FREM1: variants seen among roughly 807,000 people sequenced by gnomAD.
FREM1 encodes the protein FRAS1-related extracellular matrix protein 1.
FREM1 carries 220 observed loss-of-function variants against 210.1 expected under a neutral mutation model. That is an observed-to-expected ratio of 1.05 (90% CI 0.94 to 1.17). The LOEUF (loss-of-function observed/expected upper bound fraction) is 1.17. FREM1 is among the 50% of genes most tolerant of loss of function. FREM1 has a pLI of 0.00. For missense variants in FREM1, 3,454 were observed against 2,675.5 expected (o/e 1.29, Z -6.42); for synonymous variants, 1,189 against 980.2 (o/e 1.21, Z -3.98).
intron 18 of FREM1, among the ~76,000 whole-genome samples, chr9:14,805,640 C>T (rs986932562): frequency 2.0e-5 from 3 of 152,166 alleles, no homozygotes; most frequent in Non-Finnish European, 4.4e-5. Context: ...AGTATTTTGA[C>T]ATGGGCTTAA....
chr9:14,805,408 G>C (rs1483392305), intron 18 of FREM1, among the ~76,000 whole-genome samples: 1 of 152,182 alleles, frequency 6.6e-6, no homozygotes, highest in Non-Finnish European at 1.5e-5. Flanking sequence ...AGTATGCACA[G>C]GGACTTCAAG....
chr9:14,868,240 A>G (rs1353301825), intron 2 of FREM1, among the ~76,000 whole-genome samples: 4 of 152,214 alleles, frequency 2.6e-5, no homozygotes, highest in Non-Finnish European at 2.9e-5. Flanking sequence ...TCTGACTGGC[A>G]ATGGATGTGA....
Position 14,782,916 on chromosome 9 carries a change from A to G in FREM1, c.4442+1454T>C, listed in dbSNP as rs192534488. ...ACCTGATGATTGTCACAGAGTTGTG[A>G]GTCACTCAGGCAGTTCTTGCCCCCA... is the stretch of plus-strand genomic sequence containing the variant. On this transcript the variant is annotated intron_variant, in intron 24 of 36. Coordinates refer to ENST00000380880, the MANE Select transcript of FREM1 (RefSeq NM_001379081.2). Among the ~76,000 whole-genome samples the G allele has an allele frequency of 4.7e-3, 721 of 152,324 alleles. 5 individuals are homozygous for G. Among genetic ancestry groups the G allele is most frequent in the Non-Finnish European group, 5.0e-3 (341 of 68,030 alleles).
rs781367214 is a variant in FREM1, at chr9:14,737,357, T to C, written c.*39A>G. Reference sequence around the variant, plus strand: ...TTCACAGATCCTGTGAATAAATAGGTGACAAACTCCAGGTGGCCCCCTGTA... The same window carrying C: ...TTCACAGATCCTGTGAATAAATAGGCGACAAACTCCAGGTGGCCCCCTGTA... On this transcript the variant is annotated 3_prime_UTR_variant, in exon 37 of 37. Transcript: ENST00000380880. The C allele has an allele frequency of 2.0e-6, 3 of 1,494,460 alleles. No individual in the cohort carries two copies. The Admixed American group carries it at 5.3e-5, about 26-fold the overall frequency. 92.6% of individuals were successfully genotyped at this position (1,494,460 alleles called of 1,614,324 possible). A position where few individuals can be genotyped will look rare whatever the true frequency, so the allele number is the denominator to read the frequency against.
At chr9:14,875,226 T>C (rs981551033) in intron 1 of FREM1, among the ~76,000 whole-genome samples, 1 of 152,210 alleles carries the variant, frequency 6.6e-6, no homozygotes, top group Admixed American at 6.5e-5. Context: ...CCTTGCTAGA[T>C]TGGGGAAGTT....
chr9:14,860,591 A>ATGTG (rs1829710433), intron 3 of FREM1, among the ~76,000 whole-genome samples: 1 of 112,734 alleles, frequency 8.9e-6, no homozygotes, highest in African/African-American at 3.7e-5. Context: ...ACACATATAT[A>ATGTG]TACATATATA....
At chr9:14,761,172 A>G (rs1475179788) in intron 27 of FREM1, among the ~76,000 whole-genome samples, 1 of 152,112 alleles carries the variant, frequency 6.6e-6, no homozygotes, top group African/African-American at 2.4e-5. Flanking sequence ...CATTCATATT[A>G]GGGAGGAAGT....
chr9:14,876,330 C>T (rs377176294), intron 1 of FREM1, among the ~76,000 whole-genome samples: 13 of 152,250 alleles, frequency 8.5e-5, no homozygotes, highest in South Asian at 8.3e-4. Flanking sequence ...GTGGGCTCCA[C>T]GCAGTTCGAG....
Position 14,910,058 on chromosome 9 carries a change from A to T in FREM1, c.-412T>A, listed in dbSNP as rs1334107665. 6.6e-6 allele frequency: 1 copy of T among 152,278 alleles called. No individual in the cohort carries two copies. Among genetic ancestry groups the T allele is most frequent in the Non-Finnish European group, 1.5e-5 (1 of 68,078 alleles). The allele number at this position is 152,278 out of a possible 1,614,324, so 9.4% of individuals were successfully genotyped here. On this transcript the variant is annotated 5_prime_UTR_variant, in exon 1 of 37. Coordinates refer to ENST00000380880, the MANE Select transcript of FREM1 (RefSeq NM_001379081.2). ...AGAACCCCGGGAAGGAAGAGAGCTG[A>T]AATTCCAGTCTTTCAGGTCAGCTGT...
rs1489073939 is a variant in FREM1, at chr9:14,905,792, G to A, written c.-268+4122C>T. Among the ~76,000 whole-genome samples, 3 of 152,186 alleles carry A rather than the reference G, an allele frequency of 2.0e-5. No individual in the cohort carries two copies. In the East Asian group the frequency reaches 5.8e-4, roughly 29 times the overall value. On this transcript the variant is annotated intron_variant, in intron 1 of 36. Transcript: ENST00000380880. ...TGTAGTCCCAGCTACTCGGGAGGCTGAGGCAGGAGAATGGCTTGAACCAGG... is the reference window on the plus strand; with the variant it reads ...TGTAGTCCCAGCTACTCGGGAGGCTAAGGCAGGAGAATGGCTTGAACCAGG...
intron 15 of FREM1, 150 bp from the exon 16 acceptor site, chr9:14,813,214 T>C: frequency 3.7e-6 from 3 of 802,164 alleles, no homozygotes; most frequent in Non-Finnish European, 3.8e-6. Flanking sequence ...AAGTAATCTG[T>C]GTCTTTTAAC....
intron 10 of FREM1, 92 bp downstream of exon 10, chr9:14,841,355 G>A: frequency 9.3e-7 from 1 of 1,080,220 alleles, no homozygotes; most frequent in Non-Finnish European, 1.3e-6. Flanking sequence ...TTTAAACCTT[G>A]AAACCTATTT....
intron 27 of FREM1, 134 bp downstream of exon 27, chr9:14,769,590 T>C: frequency 1.1e-6 from 1 of 934,146 alleles, no homozygotes; most frequent in South Asian, 1.8e-5. Flanking sequence ...CCAAAATAAA[T>C]TCCATGAGCT....
intron 27 of FREM1, among the ~76,000 whole-genome samples, chr9:14,761,326 TGGAATTATTACAGG>T (rs1845457753): frequency 6.6e-6 from 1 of 152,168 alleles, no homozygotes; most frequent in Admixed American, 6.5e-5. Flanking sequence ...GGTAAGAGCA[TGGAATTATTACAGG>T]GGCTCATGAA....
chr9:14,801,915 G>C (rs772658176), intron 19 of FREM1, 41 bp from the exon 20 acceptor site: 7 of 1,430,046 alleles, frequency 4.9e-6, no homozygotes, highest in Non-Finnish European at 5.8e-6. Context: ...ATGCATAAAA[G>C]ACAACTTGTC....
intron 3 of FREM1, among the ~76,000 whole-genome samples, chr9:14,861,292 T>TAC (rs1157142985): frequency 8.5e-6 from 1 of 117,910 alleles, no homozygotes; most frequent in Non-Finnish European, 1.6e-5. Flanking sequence ...TATACATATA[T>TAC]ACATATATAC....
At chr9:14,811,129 C>T (rs927393848) in intron 16 of FREM1, among the ~76,000 whole-genome samples, 4 of 152,238 alleles carry the variant, frequency 2.6e-5, no homozygotes, top group East Asian at 1.9e-4. Flanking sequence ...TACAAGAAAA[C>T]GTTAACATTC....
At chr9:14,767,963 A>C (rs1846749042) in intron 27 of FREM1, among the ~76,000 whole-genome samples, 4 of 152,198 alleles carry the variant, frequency 2.6e-5, no homozygotes, top group Admixed American at 2.6e-4. Context: ...AGCCAACAAA[A>C]GCAGGAGGAT....
rs184286792 is a variant in FREM1 at position 14,756,409 on chromosome 9, G to A, written c.5372C>T (p.Thr1791Ile). 2.5e-5 allele frequency: 40 copies of A among 1,602,304 alleles called. No individual in the cohort carries two copies. The African/African-American group carries it at 4.1e-4, about 17-fold the overall frequency. ...QVSAAVGKDF[T>I]VIPSKLIQFD... ...CTGAATCAGTTTAGATGGAATCACGGTGAAATCTTTTCCAACTGCAGCTGA... is the reference window on the plus strand; with the variant it reads ...CTGAATCAGTTTAGATGGAATCACGATGAAATCTTTTCCAACTGCAGCTGA... Residue 1791 changes from threonine (T) to isoleucine (I), a missense_variant, in exon 29 of 37, where the codon ACC becomes ATC. Transcript: ENST00000380880.
Sources: allele counts gnomAD v4.1 joint callset (sites outside exome capture counted in the v4.1 genomes callset), GRCh38; gene constraint gnomAD v4.1.1; transcripts MANE v1.5; gene names NCBI Gene and HGNC (gene_info 2026-07-23, HGNC 2026-07-21).